Variants in F8 observed in about 807,000 individuals in gnomAD.
The protein encoded by F8 is antihemophilic factor.
Under a neutral mutation model 140.6 loss-of-function variants are expected in F8, and 12 were observed. The ratio of observed to expected loss-of-function variants is 0.09; its 90% CI spans 0.05 to 0.14. F8 has a LOEUF of 0.14. Ranked by LOEUF, F8 falls within the 10% of genes least tolerant of loss-of-function variation. F8 has a pLI of 1.00. For synonymous variants in F8, 585 were observed against 614.6 expected (o/e 0.95, Z 0.71); for missense variants, 1,354 against 1,720.7 (o/e 0.79, Z 3.77).
chrX:154,851,141 T>C (rs1336438682), intron 25 of F8, among the ~76,000 whole-genome samples: 1 of 112,579 alleles, frequency 8.9e-6, no homozygotes, highest in East Asian at 2.8e-4. Context: ...TTCATATAAG[T>C]GGAATGTGGC....
At chrX:154,959,619 A>G (rs1405118064) in intron 10 of F8, among the ~76,000 whole-genome samples, 1 of 111,678 alleles carries the variant, frequency 9.0e-6, no homozygotes, top group African/African-American at 3.3e-5. Context: ...GAACATTAGG[A>G]CTTATGCCTC....
intron 22 of F8, among the ~76,000 whole-genome samples, chrX:154,879,444 G>T (rs995242574): frequency 1.2e-4 from 13 of 112,499 alleles, no homozygotes; most frequent in Non-Finnish European, 2.3e-4. Flanking sequence ...CATGCATTCA[G>T]TAGAATCCAT....
chrX:154,921,643 T>C (rs1337441164), intron 14 of F8, among the ~76,000 whole-genome samples: 3 of 111,703 alleles, frequency 2.7e-5, no homozygotes, highest in Non-Finnish European at 5.6e-5. Flanking sequence ...TGTCCATCAA[T>C]GATAGACTGG....
At chrX:155,008,426 A>T (rs969991594) in intron 1 of F8, among the ~76,000 whole-genome samples, 81 of 111,695 alleles carry the variant, frequency 7.3e-4, no homozygotes, top group Non-Finnish European at 1.3e-3. Flanking sequence ...AACCCAGGGC[A>T]ATGCAGAGCA....
chrX:155,022,351 A>G, intron 1 of F8, 59 bp downstream of exon 1: 2 of 1,143,574 alleles, frequency 1.7e-6, no homozygotes, highest in Non-Finnish European at 2.4e-6. Context: ...CCTTCCTCCA[A>G]GCAGACTTAC....
At position 154,929,943 on chromosome X, in the gene F8, G is replaced by C; in HGVS notation, c.3847C>G (p.His1283Asp). 8.3e-7 allele frequency: 1 copy of C among 1,211,176 alleles called. No homozygotes were observed. The highest frequency in any genetic ancestry group is 1.1e-6 in the Non-Finnish European group (1 of 895,300). ...CCTTTTTTTGAGAAATGAGCTGTGTGTTTCTTTGTTCTATTTGTTGAATCA... is the reference window on the plus strand; with the variant it reads ...CCTTTTTTTGAGAAATGAGCTGTGTCTTTCTTTGTTCTATTTGTTGAATCA... Reference protein sequence around the residue: ...LNDSTNRTKKHTAHFSKKGEE... With the variant: ...LNDSTNRTKKDTAHFSKKGEE... The change falls in exon 14 of 26, where the codon CAC (histidine) becomes GAC (aspartate). Residue 1283 changes from histidine (H) to aspartate (D), a missense_variant. Transcript: ENST00000360256.
chrX:154,965,125 A>T (rs1220383698), intron 9 of F8, among the ~76,000 whole-genome samples: 1 of 112,066 alleles, frequency 8.9e-6, no homozygotes, highest in Non-Finnish European at 1.9e-5. Context: ...GCAAATGAAG[A>T]CAACATATAA....
Position 154,969,223 on chromosome X carries a change from T to C in F8, c.1009+108A>G, listed in dbSNP as rs2073441404. ...GCTGAGGTCTAATACAGTAACTCTATAATGTCCCCTTCAGCAACACACTAT... is the reference window on the plus strand; with the variant it reads ...GCTGAGGTCTAATACAGTAACTCTACAATGTCCCCTTCAGCAACACACTAT... On this transcript the variant is annotated intron_variant, in intron 7 of 25. Transcript: ENST00000360256. The C allele has an allele frequency of 9.4e-6, 7 of 745,474 alleles. No homozygotes were observed. The South Asian group carries it at 1.8e-4, about 20-fold the overall frequency. 61.4% of individuals were successfully genotyped at this position (745,474 alleles called of 1,213,427 possible).
chrX:154,874,574 A>T (rs1204206789), intron 22 of F8, among the ~76,000 whole-genome samples: 4 of 112,221 alleles, frequency 3.6e-5, no homozygotes, highest in Non-Finnish European at 5.6e-5. Context: ...AGTCCTCATA[A>T]CCTAAACATC....
chrX:154,924,290 G>A (rs1431851650), intron 14 of F8, among the ~76,000 whole-genome samples: 2 of 111,877 alleles, frequency 1.8e-5, no homozygotes, highest in Non-Finnish European at 3.8e-5. Context: ...AGTTTGGAGG[G>A]CTCAGAAGAC....
At chrX:154,969,095 T>A (rs1557282291) in intron 7 of F8, among the ~76,000 whole-genome samples, 1 of 111,430 alleles carries the variant, frequency 9.0e-6, no homozygotes, top group Non-Finnish European at 1.9e-5. Flanking sequence ...CTTTTCTCCA[T>A]CACAGACATT....
chrX:154,954,376 C>A (rs2073353149), intron 11 of F8, among the ~76,000 whole-genome samples: 1 of 111,959 alleles, frequency 8.9e-6, no homozygotes, highest in Non-Finnish European at 1.9e-5. Flanking sequence ...AGATTTAACT[C>A]CTTAAAGAAC....
At chrX:154,944,421 G>T (rs1309301916) in intron 13 of F8, among the ~76,000 whole-genome samples, 6 of 111,535 alleles carry the variant, frequency 5.4e-5, no homozygotes, top group Non-Finnish European at 1.1e-4. Flanking sequence ...ATGAAAAAAT[G>T]CTCACCATCA....
intron 22 of F8, among the ~76,000 whole-genome samples, chrX:154,871,277 A>T (rs1195194188): frequency 8.9e-6 from 1 of 112,153 alleles, no homozygotes; most frequent in Non-Finnish European, 1.9e-5. Flanking sequence ...TGGAGGCATC[A>T]TGCTACCTGA....
Position 154,957,183 on chromosome X carries a change from C to A in F8, c.1538-12G>T, listed in dbSNP as rs2073369540. The A allele has an allele frequency of 2.6e-6, 3 of 1,155,006 alleles. No homozygotes were observed. Among genetic ancestry groups the A allele is most frequent in the African/African-American group, 1.8e-5 (1 of 56,206 alleles). Reference sequence around the variant, plus strand: ...CAAATGTTTTACACCTACCCACAAGCAAAACCATAAATAGCTCAATTAGAG... The same window carrying A: ...CAAATGTTTTACACCTACCCACAAGAAAAACCATAAATAGCTCAATTAGAG... On this transcript the variant is annotated splice_polypyrimidine_tract_variant and intron_variant, in intron 10 of 25. Coordinates refer to ENST00000360256, the MANE Select transcript of F8 (RefSeq NM_000132.4).
Position 154,947,684 on chromosome X carries a change from A to G in F8, c.2113+14T>C, listed in dbSNP as rs2073313643. 1.7e-6 allele frequency: 2 copies of G among 1,190,637 alleles called. No homozygotes were observed. Among genetic ancestry groups the G allele is most frequent in the East Asian group, 3.0e-5 (1 of 33,703 alleles). On this transcript the variant is annotated intron_variant, in intron 13 of 25. Transcript: ENST00000360256. The stretch of plus-strand genomic sequence containing the variant: ...ATTCACAGCTGTTGGTACAAGAAAA[A>G]TATAATAACTAACCTGGGTTTTCCA...
intron 22 of F8, among the ~76,000 whole-genome samples, chrX:154,868,410 C>T (rs1189598680): frequency 8.9e-6 from 1 of 112,002 alleles, no homozygotes; most frequent in Non-Finnish European, 1.9e-5. Flanking sequence ...ACTTATGGGA[C>T]AGCCATGCAG....
intron 1 of F8, among the ~76,000 whole-genome samples, chrX:155,000,099 C>T (rs1278289644): frequency 8.9e-5 from 10 of 112,176 alleles, no homozygotes; most frequent in African/African-American, 3.2e-4. Flanking sequence ...CCCAATTACT[C>T]ATTTATTCAT....
In F8 at chrX:154,910,125, C is replaced by T. The variant is rs781917924; in HGVS notation, c.5220-3552G>A. Among the ~76,000 whole-genome samples the T allele has an allele frequency of 7.2e-5, 8 of 111,475 alleles. No homozygotes were observed. The East Asian group carries it at 1.1e-3, about 16-fold the overall frequency. Reference sequence around the variant, plus strand: ...GTAACCCTAGCCCCAACCCTGTGCTCGCAGAGACATGTGCGGTGTTGAGTC... The same window carrying T: ...GTAACCCTAGCCCCAACCCTGTGCTTGCAGAGACATGTGCGGTGTTGAGTC... On this transcript the variant is annotated intron_variant, in intron 14 of 25. Coordinates refer to ENST00000360256, the MANE Select transcript of F8 (RefSeq NM_000132.4).
Sources: allele counts gnomAD v4.1 joint callset (sites outside exome capture counted in the v4.1 genomes callset), GRCh38; gene constraint gnomAD v4.1.1; transcripts MANE v1.5; gene names NCBI Gene and HGNC (gene_info 2026-07-23, HGNC 2026-07-21).